SPATA6: variants seen among roughly 807,000 people sequenced by gnomAD.
SPATA6 encodes spermatogenesis-associated protein 6.
In SPATA6, 56 loss-of-function variants were observed where a neutral mutation model predicts 65.3. The ratio of observed to expected loss-of-function variants is 0.86; its 90% CI spans 0.69 to 1.07. The LOEUF (loss-of-function observed/expected upper bound fraction) is 1.07, where lower values mean the gene tolerates loss of function less well. Ranked by LOEUF, SPATA6 falls within the 50% of genes least tolerant of loss-of-function variation. SPATA6 has a pLI of 0.00. For missense variants in SPATA6, 590 were observed against 594.8 expected, an observed-to-expected ratio of 0.99 and a Z score of 0.08; for synonymous variants, 199 against 213.2, an observed-to-expected ratio of 0.93 and a Z score of 0.58.
chr1:48,472,031 G>A lies in SPATA6; in HGVS notation c.-23C>T, dbSNP rs776102815. On this transcript the variant is annotated 5_prime_UTR_variant, in exon 1 of 13. Transcript: ENST00000371847. Reference sequence around the variant, plus strand: ...CATCCGTGCGGGGAGGGGCGGCGGGGAGTGACCCCGGCCACGGGCCCGAGT... The same window carrying A: ...CATCCGTGCGGGGAGGGGCGGCGGGAAGTGACCCCGGCCACGGGCCCGAGT... 2.0e-6 allele frequency: 3 copies of A among 1,509,132 alleles called. No homozygotes were observed. The highest frequency in any genetic ancestry group is 2.6e-5 in the East Asian group (1 of 38,928). 93.5% of individuals were successfully genotyped at this position (1,509,132 alleles called of 1,614,324 possible). A position where few individuals can be genotyped will look rare whatever the true frequency, so the allele number is the denominator to read the frequency against.
chr1:48,328,894 G>C (rs905992805), intron 11 of SPATA6, among the ~76,000 whole-genome samples: 3 of 152,046 alleles, frequency 2.0e-5, no homozygotes, highest in Non-Finnish European at 4.4e-5. Flanking sequence ...ATTTTGTACA[G>C]TGTTTTCTGG....
At position 48,471,988 on chromosome 1, in the gene SPATA6, C is replaced by G; in HGVS notation, c.21G>C (p.Leu7=). The change falls in exon 1 of 13, where the codon CTG becomes CTC. Residue 7 remains leucine, a synonymous_variant. Transcript: ENST00000371847. MPKVKA[L]QCALALEISS... is the part of the protein sequence containing the mutation. ...TGATCTCCAGCGCCAGGGCGCACTG[C>G]AGCGCCTTCACCTTCGGCATCCGTG... The G allele has an allele frequency of 6.3e-7, 1 of 1,592,318 alleles. No homozygotes were observed. The highest frequency in any genetic ancestry group is 8.5e-7 in the Non-Finnish European group (1 of 1,171,920).
chr1:48,368,299 C>G (rs1434270089), intron 9 of SPATA6, among the ~76,000 whole-genome samples: 1 of 152,158 alleles, frequency 6.6e-6, no homozygotes. Flanking sequence ...CGAGGAGTAT[C>G]TTTGTGGCGT....
At chr1:48,458,764 C>A (rs1379985790) in intron 1 of SPATA6, among the ~76,000 whole-genome samples, 1 of 152,050 alleles carries the variant, frequency 6.6e-6, no homozygotes, top group African/African-American at 2.4e-5. Context: ...GGAATTAGAT[C>A]CAGGGGCTGG....
chr1:48,357,995 T>C (rs1646704664), intron 10 of SPATA6, among the ~76,000 whole-genome samples: 3 of 152,140 alleles, frequency 2.0e-5, no homozygotes, highest in Admixed American at 2.0e-4. Context: ...TTAGGTAATG[T>C]TTAACATTAG....
chr1:48,364,680 T>C (rs1646937578), intron 9 of SPATA6, among the ~76,000 whole-genome samples: 1 of 152,226 alleles, frequency 6.6e-6, no homozygotes, highest in Admixed American at 6.5e-5. Context: ...TTGAGTTCAT[T>C]GTAGATTCTG....
chr1:48,413,063 C>T (rs1411088479), intron 4 of SPATA6, 47 bp downstream of exon 4: 7 of 595,168 alleles, frequency 1.2e-5, no homozygotes, highest in Non-Finnish European at 1.7e-5. Context: ...TATATTACAT[C>T]AATTTATGAT....
chr1:48,373,987 C>G (rs147119020), intron 9 of SPATA6, among the ~76,000 whole-genome samples: 4 of 152,178 alleles, frequency 2.6e-5, no homozygotes, highest in Admixed American at 1.3e-4. Context: ...TGCTCTGGAA[C>G]TGATCCACAT....
chr1:48,418,234 C>T (rs1192907283), intron 3 of SPATA6, among the ~76,000 whole-genome samples: 1 of 152,030 alleles, frequency 6.6e-6, no homozygotes, highest in Admixed American at 6.6e-5. Context: ...ATACATCATG[C>T]TTCTTCTAAT....
intron 11 of SPATA6, among the ~76,000 whole-genome samples, chr1:48,352,326 G>A (rs973485516): frequency 6.6e-6 from 1 of 151,962 alleles, no homozygotes; most frequent in African/African-American, 2.4e-5. Flanking sequence ...GACTTGAGTG[G>A]GCACACAGCC....
chr1:48,287,932 A>T, the SPATA6 span, among the ~76,000 whole-genome samples: 5 of 152,202 alleles, frequency 3.3e-5, no homozygotes, highest in Non-Finnish European at 7.3e-5. Context: ...TAATGTTAGC[A>T]GTGGGTTTTT....
the SPATA6 span, among the ~76,000 whole-genome samples, chr1:48,285,477 GAAAAAAAA>G: frequency 1.6e-5 from 2 of 127,764 alleles, no homozygotes; most frequent in African/African-American, 6.0e-5. Flanking sequence ...ACTGGGGTAT[GAAAAAAAA>G]AAAAAAAAAA....
At chr1:48,403,299 G>A (rs985231571) in intron 6 of SPATA6, among the ~76,000 whole-genome samples, 1 of 152,096 alleles carries the variant, frequency 6.6e-6, no homozygotes, top group African/African-American at 2.4e-5. Flanking sequence ...TCTTGATCTG[G>A]CAGTACCAGT....
intron 3 of SPATA6, chr1:48,436,560 G>A: frequency 1.2e-5 from 19 of 1,612,552 alleles, no homozygotes; most frequent in Non-Finnish European, 1.6e-5. Flanking sequence ...ATGGCCTAGT[G>A]ACCCTCTCTG....
At chr1:48,453,513 A>G (rs1020387244) in intron 1 of SPATA6, among the ~76,000 whole-genome samples, 5 of 151,866 alleles carry the variant, frequency 3.3e-5, no homozygotes, top group Admixed American at 6.6e-5. Flanking sequence ...ATAAAACACT[A>G]TATTATAGAA....
chr1:48,331,106 T>C (rs1645902847), intron 11 of SPATA6, among the ~76,000 whole-genome samples: 1 of 152,066 alleles, frequency 6.6e-6, no homozygotes, highest in South Asian at 2.1e-4. Flanking sequence ...ATTCAAAGAC[T>C]GAAAGAACGT....
chr1:48,419,576 T>C (rs1008551211), intron 3 of SPATA6, among the ~76,000 whole-genome samples: 1 of 152,116 alleles, frequency 6.6e-6, no homozygotes, highest in Non-Finnish European at 1.5e-5. Flanking sequence ...AAAGAAGACA[T>C]GTAAACAGAA....
At chr1:48,456,511 G>C (rs958882193) in intron 1 of SPATA6, among the ~76,000 whole-genome samples, 3 of 150,972 alleles carry the variant, frequency 2.0e-5, no homozygotes, top group Non-Finnish European at 4.4e-5. Flanking sequence ...AAAAAAAAAA[G>C]AGCAGTCAAT....
At chr1:48,365,344 T>C (rs1360349619) in intron 9 of SPATA6, among the ~76,000 whole-genome samples, 3 of 152,188 alleles carry the variant, frequency 2.0e-5, no homozygotes, top group African/African-American at 7.2e-5. Context: ...AGAAAGTCAT[T>C]AGCAGCTTGA....
Sources: gnomAD v4.1 joint callset for allele counts (sites outside exome capture counted in the v4.1 genomes callset) on GRCh38, gnomAD v4.1.1 for gene constraint, MANE v1.5 for transcripts, NCBI Gene and HGNC (gene_info 2026-07-23, HGNC 2026-07-21) for gene names.